The following ZAR1 variants were observed in gnomAD, a reference collection of about 807,000 sequenced individuals.
ZAR1 encodes the protein zygote arrest protein 1.
ZAR1 carries 37 observed loss-of-function variants against 38.3 expected under a neutral mutation model. The observed-to-expected ratio is 0.97, with a 90% CI of 0.74 to 1.27. The LOEUF (loss-of-function observed/expected upper bound fraction) is 1.27. Among genes scored for constraint, ZAR1 ranks in the 50% most tolerant of loss-of-function variants. The probability of loss-of-function intolerance (pLI) is 0.00; values close to 1 mark genes in which losing one functional copy is unlikely to be tolerated. For missense variants in ZAR1, 651 were observed against 632.4 expected (o/e 1.03, Z -0.32); for synonymous variants, 336 against 292.0 (o/e 1.15, Z -1.53).
rs1278378083 is a variant in ZAR1, at chr4:48,490,873, G to A, written c.582G>A (p.Leu194=). ...PLALRRLTAF[L]EGPGPAAGEQ... ...CCTTGCGCCGTCTCACCGCCTTCCTGGAGGGGCCCGGGCCCGCGGCGGGCG... is the reference window on the plus strand; with the variant it reads ...CCTTGCGCCGTCTCACCGCCTTCCTAGAGGGGCCCGGGCCCGCGGCGGGCG... Residue 194 remains leucine (L), a synonymous_variant, in exon 1 of 4, where the codon CTG becomes CTA. Coordinates refer to ENST00000327939, the MANE Select transcript of ZAR1 (RefSeq NM_175619.3). The A allele has an allele frequency of 7.0e-7, 1 of 1,438,338 alleles. No homozygotes were observed. Among genetic ancestry groups the A allele is most frequent in the Non-Finnish European group, 9.1e-7 (1 of 1,099,590 alleles). 89.1% of individuals were successfully genotyped at this position (1,438,338 alleles called of 1,614,324 possible).
chr4:48,491,244 T>A lies in ZAR1; in HGVS notation c.953T>A (p.Leu318Gln). The A allele has an allele frequency of 1.6e-6, 2 of 1,229,122 alleles. No individual in the cohort carries two copies. The highest frequency in any genetic ancestry group is 2.0e-6 in the Non-Finnish European group (2 of 985,312). 76.1% of individuals were successfully genotyped at this position (1,229,122 alleles called of 1,614,324 possible). The change falls in exon 1 of 4, where the codon CTG becomes CAG. Residue 318 changes from leucine to glutamine, a missense_variant. Coordinates refer to ENST00000327939, the MANE Select transcript of ZAR1 (RefSeq NM_175619.3). ...AGCCCGGAGCTGGGCAAGGAGCGGC[T>A]GCGCTTCCAGGTAAAGCCTAGGGCG... Reference protein sequence around the residue: ...PRSPELGKERLRFQFLEQKYG... With the variant: ...PRSPELGKERQRFQFLEQKYG...
In ZAR1 at chr4:48,490,919, GA is replaced by G; in HGVS notation, c.629del (p.Asp210AlafsTer69). ...GGGCGAGCAGAGGTCCGGGGCGTCG[GA>G]CGGAGAGAGGGGGCCGCCGCCCGCG... ...AAGEQRSGAS[D>X]GERGPPPARL... On this transcript the variant is annotated frameshift_variant, in exon 1 of 4. Coordinates refer to ENST00000327939, the MANE Select transcript of ZAR1 (RefSeq NM_175619.3). LOFTEE classifies it high-confidence loss of function. 1 of 1,351,764 alleles carries G rather than the reference GA, an allele frequency of 7.4e-7. No homozygotes were observed. The allele number at this position is 1,351,764 out of a possible 1,614,324, so 83.7% of individuals were successfully genotyped here. A position where few individuals can be genotyped will look rare whatever the true frequency, so the allele number is the denominator to read the frequency against.
intron 1 of ZAR1, 56 bp downstream of exon 1, chr4:48,491,310 TG>T (rs2148673939): frequency 8.3e-7 from 1 of 1,199,026 alleles, no homozygotes; most frequent in East Asian, 3.2e-5. Context: ...GTGTCTTCCT[TG>T]GGCCTGGCCC....
At chr4:48,493,593 G>C (rs1408705993) in intron 3 of ZAR1, among the ~76,000 whole-genome samples, 4 of 152,190 alleles carry the variant, frequency 2.6e-5, no homozygotes, top group Admixed American at 2.6e-4. Context: ...GACTACATTC[G>C]CCTCTTGTCA....
Position 48,491,243 on chromosome 4 carries a change from C to T in ZAR1, c.952C>T (p.Leu318=), listed in dbSNP as rs1223224516. 8.1e-7 allele frequency: 1 copy of T among 1,229,358 alleles called. No individual in the cohort carries two copies. The allele number at this position is 1,229,358 out of a possible 1,614,324, so 76.2% of individuals were successfully genotyped here. The part of the protein sequence containing the change: ...PRSPELGKER[L]RFQFLEQKYG... ...GAGCCCGGAGCTGGGCAAGGAGCGG[C>T]TGCGCTTCCAGGTAAAGCCTAGGGC... Residue 318 remains leucine, a synonymous_variant, in exon 1 of 4, where the codon CTG becomes TTG. Transcript: ENST00000327939.
rs375320216 is a variant in ZAR1, at chr4:48,494,260, G to A, written c.*16G>A. 1.1e-5 allele frequency: 18 copies of A among 1,613,794 alleles called. No individual in the cohort carries two copies. In the African/African-American group the frequency reaches 2.3e-4, roughly 20 times the overall value. On this transcript the variant is annotated 3_prime_UTR_variant, in exon 4 of 4. Transcript: ENST00000327939. ...CATCATTTAGGTGAAAGTCAGTGTT[G>A]CTGTGCATGCGCTGATGGAGTAGAC...
At position 48,490,267 on chromosome 4, in the gene ZAR1, G is replaced by A. The variant is rs1330431198; in HGVS notation, c.-25G>A. The A allele has an allele frequency of 6.7e-7, 1 of 1,485,686 alleles. No individual in the cohort carries two copies. The highest frequency in any genetic ancestry group is 8.9e-7 in the Non-Finnish European group (1 of 1,124,906). 92.0% of individuals were successfully genotyped at this position (1,485,686 alleles called of 1,614,324 possible). A position where few individuals can be genotyped will look rare whatever the true frequency, so the allele number is the denominator to read the frequency against. ...CGGGCAAGTCGCCTATTTAGGGTGC[G>A]GCGGCGGGCGGGAGCAGTGCGCCCA... On this transcript the variant is annotated 5_prime_UTR_variant, in exon 1 of 4. Coordinates refer to ENST00000327939, the MANE Select transcript of ZAR1 (RefSeq NM_175619.3).
At chr4:48,491,602 A>C (rs1446050597) in intron 1 of ZAR1, among the ~76,000 whole-genome samples, 1 of 152,238 alleles carries the variant, frequency 6.6e-6, no homozygotes, top group Non-Finnish European at 1.5e-5. Flanking sequence ...GGCACAACTG[A>C]ACTTCGGAGC....
chr4:48,492,690 T>A (rs532230529), intron 1 of ZAR1, 76 bp from the exon 2 acceptor site: 7 of 1,439,448 alleles, frequency 4.9e-6, no homozygotes, highest in Non-Finnish European at 6.8e-6. Flanking sequence ...AAATATCAAG[T>A]AGATCCTTCC....
chr4:48,493,844 AGTT>A (rs1718511004), intron 3 of ZAR1, among the ~76,000 whole-genome samples: 1 of 152,230 alleles, frequency 6.6e-6, no homozygotes, highest in South Asian at 2.1e-4. Context: ...TCTCTTAAAC[AGTT>A]GTTGTAAAAG....
chr4:48,491,233 C>T lies in ZAR1; in HGVS notation c.942C>T (p.Gly314=). Residue 314 remains glycine, a synonymous_variant, in exon 1 of 4, where the codon GGC becomes GGT. Transcript: ENST00000327939. ...CGTCGCCACGGAGCCCGGAGCTGGG[C>T]AAGGAGCGGCTGCGCTTCCAGGTAA... ...EGPSPRSPEL[G]KERLRFQFLE... is the part of the protein sequence containing the mutation. The T allele has an allele frequency of 8.1e-7, 1 of 1,230,914 alleles. No homozygotes were observed. Among genetic ancestry groups the T allele is most frequent in the Non-Finnish European group, 1.0e-6 (1 of 986,748 alleles). 76.2% of individuals were successfully genotyped at this position (1,230,914 alleles called of 1,614,324 possible).
chr4:48,494,330 A>AT lies in ZAR1; in HGVS notation c.*87dup. On this transcript the variant is annotated 3_prime_UTR_variant, in exon 4 of 4. Transcript: ENST00000327939. ...TCTCCTCCACCTCTCCCTTCTCAAAATACTTCATGAAAGGCAGTGTATTCT... is the reference window on the plus strand; with the variant it reads ...TCTCCTCCACCTCTCCCTTCTCAAAATTACTTCATGAAAGGCAGTGTATTCT... The AT allele has an allele frequency of 6.5e-7, 1 of 1,532,506 alleles. No individual in the cohort carries two copies. Among genetic ancestry groups the AT allele is most frequent in the East Asian group, 2.3e-5 (1 of 43,986 alleles). The allele number at this position is 1,532,506 out of a possible 1,614,324, so 94.9% of individuals were successfully genotyped here.
At chr4:48,494,441 G>T, downstream of ZAR1, 1 of 666,480 alleles carries the variant, frequency 1.5e-6, no homozygotes. Flanking sequence ...AAGAGCGCTT[G>T]TCTTGTGCTA....
At chr4:48,491,849 A>C (rs1249410590) in intron 1 of ZAR1, among the ~76,000 whole-genome samples, 2 of 152,238 alleles carry the variant, frequency 1.3e-5, no homozygotes, top group African/African-American at 4.8e-5. Flanking sequence ...TGGACTGCTC[A>C]GTGTTGCTGC....
chr4:48,490,799 C>T lies in ZAR1; in HGVS notation c.508C>T (p.Pro170Ser). 6.6e-7 allele frequency: 1 copy of T among 1,505,986 alleles called. No homozygotes were observed. Among genetic ancestry groups the T allele is most frequent in the Non-Finnish European group, 8.8e-7 (1 of 1,135,046 alleles). The allele number at this position is 1,505,986 out of a possible 1,614,324, so 93.3% of individuals were successfully genotyped here. ...LEQGSPQNGA[P>S]RPMRFPRTVA... ...GCAGGGCAGCCCCCAGAACGGCGCC[C>T]CGCGGCCCATGCGCTTCCCGCGCAC... is the stretch of plus-strand genomic sequence containing the variant. The change falls in exon 1 of 4, where the codon CCG becomes TCG. Residue 170 changes from proline to serine, a missense_variant. Around this residue, in one of 2 missense-constraint regions of ZAR1, gnomAD observed 522 missense variants for 459.9 expected, o/e 1.14. Coordinates refer to ENST00000327939, the MANE Select transcript of ZAR1 (RefSeq NM_175619.3).
At position 48,494,192 on chromosome 4, in the gene ZAR1, A is replaced by G; in HGVS notation, c.1223A>G (p.Lys408Arg). Residue 408 changes from lysine (K) to arginine (R), a missense_variant, in exon 4 of 4, where the codon AAA becomes AGA. By Grantham distance (26) the Lys-to-Arg change is conservative. Coordinates refer to ENST00000327939, the MANE Select transcript of ZAR1 (RefSeq NM_175619.3). The part of the protein sequence containing the change: ...PHRQDLCGRC[K>R]GKRLSCDSTF... ...CGTCAAGATTTGTGCGGTAGATGCA[A>G]AGGCAAACGCCTGTCCTGTGACAGC... 1 of 1,614,216 alleles carries G rather than the reference A, an allele frequency of 6.2e-7. No homozygotes were observed. The highest frequency in any genetic ancestry group is 1.1e-5 in the South Asian group (1 of 91,092).
At chr4:48,496,740 T>C (rs377611086), downstream of ZAR1, among the ~76,000 whole-genome samples, 4 of 152,244 alleles carry the variant, frequency 2.6e-5, no homozygotes, top group African/African-American at 4.8e-5. Context: ...AAGATGTCTC[T>C]GGGTATCAAG....
chr4:48,491,365 G>T, intron 1 of ZAR1, 111 bp downstream of exon 1: 1 of 858,002 alleles, frequency 1.2e-6, no homozygotes, highest in Middle Eastern at 4.0e-4. Flanking sequence ...TTCCCTAAGC[G>T]TGGGCTACTT....
intron 1 of ZAR1, among the ~76,000 whole-genome samples, chr4:48,492,034 G>C (rs1464886360): frequency 6.6e-6 from 1 of 152,130 alleles, no homozygotes; most frequent in Non-Finnish European, 1.5e-5. Flanking sequence ...GTGGCGGTAG[G>C]CTGATTGTGC....
Sources: allele counts gnomAD v4.1 joint callset (sites outside exome capture counted in the v4.1 genomes callset), GRCh38; gene constraint gnomAD v4.1.1; regional missense constraint gnomAD v4.1.1; transcripts MANE v1.5; gene names NCBI Gene and HGNC (gene_info 2026-07-23, HGNC 2026-07-21).